HYCC1: variants seen among roughly 807,000 people sequenced by gnomAD.
HYCC1 encodes hyccin.
chr7:22,934,346 G>A, the HYCC1 span: 5 of 151,166 alleles, frequency 3.3e-5, no homozygotes, highest in African/African-American at 1.2e-4. Context: ...TCTCCCAAGT[G>A]CGATTGGTTT....
the HYCC1 span, among the ~76,000 whole-genome samples, chr7:22,968,915 G>A: frequency 1.3e-5 from 2 of 152,104 alleles, no homozygotes; most frequent in Non-Finnish European, 2.9e-5. Flanking sequence ...GAACCCAGGA[G>A]GCGGAGGTTG....
the HYCC1 span, among the ~76,000 whole-genome samples, chr7:22,956,531 C>G: frequency 1.6e-5 from 2 of 127,770 alleles, no homozygotes; most frequent in East Asian, 5.2e-4. Flanking sequence ...AGTTGTCAAA[C>G]AGATCTCTCC....
the HYCC1 span, among the ~76,000 whole-genome samples, chr7:23,008,856 T>C: frequency 2.7e-3 from 413 of 152,092 alleles, 1 homozygote; most frequent in South Asian, 6.0e-3. Flanking sequence ...AGACTAAAGA[T>C]GTAAATTTTT....
At chr7:22,942,748 C>T in the HYCC1 span, 1 of 152,034 alleles carries the variant, frequency 6.6e-6, no homozygotes, top group Non-Finnish European at 1.5e-5. Context: ...AGAAAGTGAC[C>T]TACAAAAGCT....
chr7:22,985,877 CAT>C, the HYCC1 span: 1 of 149,242 alleles, frequency 6.7e-6, no homozygotes, highest in Non-Finnish European at 1.5e-5. Flanking sequence ...TGATGTCTAA[CAT>C]ATGTAACTAT....
chr7:22,960,357 C>G, the HYCC1 span: 1 of 1,613,170 alleles, frequency 6.2e-7, no homozygotes. Flanking sequence ...ACACCTTGTA[C>G]CTTCCTTATT....
chr7:22,951,131 AGT>A, the HYCC1 span, among the ~76,000 whole-genome samples: 5 of 151,972 alleles, frequency 3.3e-5, no homozygotes, highest in African/African-American at 1.2e-4. Flanking sequence ...TAAGAAAAAA[AGT>A]GAAGCAAATT....
the HYCC1 span, among the ~76,000 whole-genome samples, chr7:22,953,091 T>C: frequency 9.8e-4 from 149 of 152,128 alleles, no homozygotes; most frequent in African/African-American, 3.3e-3. Context: ...GTGGATTCAA[T>C]TACTCTCAGT....
At chr7:22,975,145 C>G in the HYCC1 span, among the ~76,000 whole-genome samples, 1 of 152,034 alleles carries the variant, frequency 6.6e-6, no homozygotes, top group South Asian at 2.1e-4. Context: ...CCACATGTTC[C>G]TTAGTTCTAT....
At chr7:22,952,302 C>G in the HYCC1 span, among the ~76,000 whole-genome samples, 1 of 151,892 alleles carries the variant, frequency 6.6e-6, no homozygotes, top group African/African-American at 2.4e-5. Flanking sequence ...TCTGGGAAAA[C>G]CTCTTTGAAG....
At chr7:22,956,259 C>T in the HYCC1 span, among the ~76,000 whole-genome samples, 1 of 151,694 alleles carries the variant, frequency 6.6e-6, no homozygotes, top group Non-Finnish European at 1.5e-5. Context: ...CTAAATTAAA[C>T]ACAATACGCA....
At chr7:22,939,646 A>G in the HYCC1 span, 2 of 152,154 alleles carry the variant, frequency 1.3e-5, no homozygotes, top group African/African-American at 4.8e-5. Context: ...GGGGTGAGTG[A>G]ATTTTAAATA....
chr7:22,985,720 C>T, the HYCC1 span: 2 of 151,634 alleles, frequency 1.3e-5, no homozygotes, highest in South Asian at 4.2e-4. Flanking sequence ...GTCATTTGAT[C>T]AAGAGTAACC....
the HYCC1 span, among the ~76,000 whole-genome samples, chr7:22,927,260 A>T: frequency 6.6e-6 from 1 of 152,220 alleles, no homozygotes; most frequent in Non-Finnish European, 1.5e-5. Flanking sequence ...CCCTAACATC[A>T]CAATTAAAAG....
chr7:22,906,335 TG>T, the HYCC1 span, among the ~76,000 whole-genome samples: 20 of 152,286 alleles, frequency 1.3e-4, no homozygotes, highest in East Asian at 3.7e-3. Context: ...CTCAGCACTT[TG>T]GGAGACCAAG....
chr7:22,976,951 T>G, the HYCC1 span: 1 of 628,114 alleles, frequency 1.6e-6, no homozygotes, highest in South Asian at 1.9e-5. Context: ...AATTTTCTGC[T>G]CGAAGATTTA....
chr7:22,945,055 T>A, the HYCC1 span: 1 of 159,108 alleles, frequency 6.3e-6, no homozygotes, highest in Non-Finnish European at 1.4e-5. Flanking sequence ...TTCATACACA[T>A]CATTTTTGTG....
chr7:22,940,236 G>GTTTTTTTTTTTTTTTTTTTTTTTTTTTT, the HYCC1 span: 1 of 87,174 alleles, frequency 1.1e-5, no homozygotes, highest in African/African-American at 5.1e-5. Flanking sequence ...AATAGGTTCT[G>GTTTTTTTTTTTTTTTTTTTTTTTTTTTT]TTTTTTTTTT....
chr7:22,920,713 G>A, the HYCC1 span, among the ~76,000 whole-genome samples: 11 of 152,060 alleles, frequency 7.2e-5, no homozygotes, highest in Admixed American at 2.0e-4. Context: ...AATATATACC[G>A]GCATAAATGC....
Sources: allele counts gnomAD v4.1 joint callset (sites outside exome capture counted in the v4.1 genomes callset), GRCh38; gene constraint gnomAD v4.1.1; transcripts MANE v1.5; gene names NCBI Gene and HGNC (gene_info 2026-07-23, HGNC 2026-07-21).